Variants in KLF12 observed in about 807,000 individuals in gnomAD.
KLF12 encodes the protein KLF transcription factor 12.
KLF12 carries 9 observed loss-of-function variants against 37.8 expected under a neutral mutation model. The observed-to-expected ratio is 0.24, with a 90% CI of 0.14 to 0.42. The LOEUF (loss-of-function observed/expected upper bound fraction) is 0.42. Ranked by LOEUF, KLF12 falls within the 10% of genes least tolerant of loss-of-function variation. The pLI, the probability that KLF12 is intolerant of heterozygous loss-of-function variation, is 1.00. For synonymous variants in KLF12, 208 were observed against 202.1 expected, an observed-to-expected ratio of 1.03 and a Z score of -0.25; for missense variants, 411 against 516.0, an observed-to-expected ratio of 0.80 and a Z score of 1.97.
At chr13:74,303,178 G>A in the KLF12 span, among the ~76,000 whole-genome samples, 1 of 152,088 alleles carries the variant, frequency 6.6e-6, no homozygotes, top group Non-Finnish European at 1.5e-5. Context: ...TTCAAGACTT[G>A]ATTTAAGGAG....
chr13:73,966,983 A>T (rs1271997243), intron 2 of KLF12, among the ~76,000 whole-genome samples: 2 of 152,200 alleles, frequency 1.3e-5, no homozygotes, highest in African/African-American at 2.4e-5. Context: ...AAATCTTATA[A>T]ATAGTAACCA....
At chr13:73,838,437 G>C (rs972860288) in intron 4 of KLF12, among the ~76,000 whole-genome samples, 4 of 152,128 alleles carry the variant, frequency 2.6e-5, no homozygotes, top group African/African-American at 7.2e-5. Flanking sequence ...TTTAAAAGAA[G>C]AAGACCAAAG....
At chr13:74,285,216 C>A in the KLF12 span, among the ~76,000 whole-genome samples, 4 of 151,534 alleles carry the variant, frequency 2.6e-5, no homozygotes, top group Non-Finnish European at 5.9e-5. Context: ...AATTTGGCTT[C>A]TTGTTAATTG....
chr13:73,788,769 C>T (rs1020698335), intron 5 of KLF12, among the ~76,000 whole-genome samples: 7 of 151,960 alleles, frequency 4.6e-5, no homozygotes, highest in African/African-American at 1.2e-4. Context: ...GCTAGACAAA[C>T]GGGACTCCTC....
chr13:74,166,608 T>C, the KLF12 span, among the ~76,000 whole-genome samples: 2 of 152,202 alleles, frequency 1.3e-5, no homozygotes, highest in African/African-American at 4.8e-5. Context: ...TCTCCCGATG[T>C]CATTTTTTAT....
At chr13:73,853,001 C>T (rs1162409932) in intron 3 of KLF12, among the ~76,000 whole-genome samples, 3 of 151,420 alleles carry the variant, frequency 2.0e-5, no homozygotes, top group Non-Finnish European at 4.4e-5. Context: ...TCCCAAGTAG[C>T]TGGGACTACA....
At chr13:74,255,208 T>C in the KLF12 span, among the ~76,000 whole-genome samples, 2 of 152,206 alleles carry the variant, frequency 1.3e-5, no homozygotes, top group Admixed American at 6.5e-5. Context: ...ATGGTTAGCA[T>C]GGTAACTTGT....
At chr13:74,047,479 C>T (rs1893577370) in intron 1 of KLF12, among the ~76,000 whole-genome samples, 1 of 151,378 alleles carries the variant, frequency 6.6e-6, no homozygotes. Flanking sequence ...GGCTTGTAGT[C>T]CCAGCTACTC....
chr13:73,994,627 T>C (rs148301652), intron 2 of KLF12, among the ~76,000 whole-genome samples: 1 of 152,338 alleles, frequency 6.6e-6, no homozygotes, highest in African/African-American at 2.4e-5. Flanking sequence ...ATTAGAATTA[T>C]GTTTGTAGAA....
the KLF12 span, among the ~76,000 whole-genome samples, chr13:74,216,752 G>A: frequency 6.8e-6 from 1 of 147,670 alleles, no homozygotes; most frequent in Non-Finnish European, 1.5e-5. Flanking sequence ...TTCAGAAACT[G>A]GAATCTATGT....
At chr13:74,084,636 T>A (rs1875148111) in intron 1 of KLF12, among the ~76,000 whole-genome samples, 2 of 152,214 alleles carry the variant, frequency 1.3e-5, no homozygotes, top group Admixed American at 1.3e-4. Flanking sequence ...CACATATTAT[T>A]CTTAGCCACA....
chr13:74,203,946 G>T, the KLF12 span, among the ~76,000 whole-genome samples: 1 of 151,994 alleles, frequency 6.6e-6, no homozygotes, highest in Non-Finnish European at 1.5e-5. Context: ...GATGAAGAAA[G>T]ACCTTAAAAA....
chr13:74,026,271 T>C (rs1892974734), intron 1 of KLF12, among the ~76,000 whole-genome samples: 1 of 151,606 alleles, frequency 6.6e-6, no homozygotes, highest in Non-Finnish European at 1.5e-5. Flanking sequence ...AGGAAAAAAA[T>C]CAGTTATTTC....
At chr13:74,021,447 G>A (rs17061969) in intron 1 of KLF12, among the ~76,000 whole-genome samples, 4,574 of 152,190 alleles carry the variant, frequency 0.03, 200 homozygotes, top group African/African-American at 0.099. Context: ...CATGATGTTC[G>A]TTTGTGACGC....
Position 73,862,484 on chromosome 13 carries a change from A to G in KLF12, c.124-16111T>C, listed in dbSNP as rs568744027. ...CCATGGCCTCAACTATTAATGCAAT[A>G]CTAACTCCCACATCTGAATCTTTAA... On this transcript the variant is annotated intron_variant, in intron 3 of 7. Coordinates refer to ENST00000377669, the MANE Select transcript of KLF12 (RefSeq NM_007249.5). 1.1e-4 allele frequency among the ~76,000 whole-genome samples: 17 copies of G among 152,304 alleles called. No individual in the cohort carries two copies. In the East Asian group the frequency reaches 2.9e-3, roughly 26 times the overall value.
chr13:73,963,983 A>C (rs1891102621), intron 2 of KLF12, among the ~76,000 whole-genome samples: 1 of 152,222 alleles, frequency 6.6e-6, no homozygotes. Context: ...GGTGGAACTT[A>C]AGCAAGAACA....
intron 2 of KLF12, among the ~76,000 whole-genome samples, chr13:73,964,811 G>A (rs1038623852): frequency 4.6e-5 from 7 of 151,976 alleles, no homozygotes; most frequent in Admixed American, 1.3e-4. Context: ...GTGAGACCTC[G>A]TCTTTACTTC....
At chr13:74,260,127 T>TAC in the KLF12 span, among the ~76,000 whole-genome samples, 2 of 152,032 alleles carry the variant, frequency 1.3e-5, no homozygotes, top group South Asian at 4.1e-4. Flanking sequence ...GTAAACTAAA[T>TAC]ACACACACAC....
At chr13:73,852,149 T>C (rs1885366302) in intron 3 of KLF12, among the ~76,000 whole-genome samples, 1 of 152,218 alleles carries the variant, frequency 6.6e-6, no homozygotes, top group Admixed American at 6.5e-5. Flanking sequence ...TATTTTTCAA[T>C]ATTTGTCTTG....
Sources: gnomAD v4.1 joint callset for allele counts (sites outside exome capture counted in the v4.1 genomes callset) on GRCh38, gnomAD v4.1.1 for gene constraint, MANE v1.5 for transcripts, NCBI Gene and HGNC (gene_info 2026-07-23, HGNC 2026-07-21) for gene names.